STK3: variants seen among roughly 807,000 people sequenced by gnomAD.
STK3 encodes the protein serine/threonine-protein kinase 3.
A neutral mutation model predicts 58.0 loss-of-function variants in STK3; 41 were observed. That is an observed-to-expected ratio of 0.71 (90% CI 0.55 to 0.92). The LOEUF (loss-of-function observed/expected upper bound fraction) is 0.92, where lower values mean the gene tolerates loss of function less well. Ranked by LOEUF, STK3 falls within the 40% of genes least tolerant of loss-of-function variation. STK3 has a pLI of 0.00. For missense variants in STK3, 479 were observed against 602.7 expected, an observed-to-expected ratio of 0.79 and a Z score of 2.15; for synonymous variants, 170 against 191.0, an observed-to-expected ratio of 0.89 and a Z score of 0.91.
intron 6 of STK3, chr8:98,651,582 G>A (rs1040211981): frequency 2.6e-5 from 4 of 152,524 alleles, no homozygotes; most frequent in African/African-American, 9.7e-5. Flanking sequence ...CAAAGAAGTT[G>A]AAAACTTTCA....
chr8:98,849,086 C>T (rs909236532), intron 3 of STK3, among the ~76,000 whole-genome samples: 2 of 151,742 alleles, frequency 1.3e-5, no homozygotes, highest in African/African-American at 2.4e-5. Flanking sequence ...ATTAGCTGGG[C>T]GTGGTGGCTG....
chr8:98,861,145 G>GTAC (rs1836920844), intron 3 of STK3, among the ~76,000 whole-genome samples: 1 of 152,002 alleles, frequency 6.6e-6, no homozygotes, highest in Admixed American at 6.6e-5. Flanking sequence ...GGCAAAGAGG[G>GTAC]TACTGTCCAG....
chr8:98,882,882 C>T (rs1205179952), downstream of STK3: 1 of 152,194 alleles, frequency 6.6e-6, no homozygotes, highest in African/African-American at 2.4e-5. Context: ...ATGGCCATTT[C>T]TAATGCTGGT....
chr8:98,639,564 T>G (rs1387996353), intron 6 of STK3, among the ~76,000 whole-genome samples: 1 of 152,224 alleles, frequency 6.6e-6, no homozygotes, highest in Non-Finnish European at 1.5e-5. Flanking sequence ...CACACAAGTT[T>G]TCATAATGTT....
chr8:98,918,487 A>C (rs964928607), intron 1 of STK3, among the ~76,000 whole-genome samples: 2 of 152,200 alleles, frequency 1.3e-5, no homozygotes, highest in African/African-American at 4.8e-5. Context: ...GTAGAAAAGA[A>C]GATCGGGTGT....
intron 6 of STK3, among the ~76,000 whole-genome samples, chr8:98,609,169 G>A (rs1375414957): frequency 2.0e-5 from 3 of 151,158 alleles, no homozygotes; most frequent in Non-Finnish European, 3.0e-5. Context: ...AGAGGGCTCT[G>A]CCAATAACAA....
intron 1 of STK3, among the ~76,000 whole-genome samples, chr8:98,912,341 G>C (rs936413657): frequency 6.6e-6 from 1 of 151,924 alleles, no homozygotes; most frequent in African/African-American, 2.4e-5. Flanking sequence ...TCGCGCCACT[G>C]CACTCCAGCC....
chr8:98,409,616 A>G (rs1818033795), intron 3 of STK3, among the ~76,000 whole-genome samples: 1 of 152,238 alleles, frequency 6.6e-6, no homozygotes, highest in Admixed American at 6.5e-5. Flanking sequence ...CAGCTACCGC[A>G]CCTTGCAATG....
At chr8:98,647,965 T>C (rs1452692401) in intron 6 of STK3, among the ~76,000 whole-genome samples, 1 of 152,216 alleles carries the variant, frequency 6.6e-6, no homozygotes, top group Non-Finnish European at 1.5e-5. Flanking sequence ...TGCCTTTTAT[T>C]AATGCACTGT....
rs191599617 is a variant in STK3 at position 98,905,445 on chromosome 8, G to A, written c.-78-21611C>T. ...GTTACCCACGTGTAACTTGGTTGAC[G>A]CTTTGCTCTTATTCTTGCTGGCTTC... On this transcript the variant is annotated intron_variant, in intron 1 of 1. Coordinates refer to the STK3 transcript ENST00000519420. The A allele has an allele frequency of 3.5e-5, 46 of 1,298,800 alleles. No homozygotes were observed. In the Middle Eastern group the frequency reaches 1.3e-3, roughly 36 times the overall value. The allele number at this position is 1,298,800 out of a possible 1,614,324, so 80.5% of individuals were successfully genotyped here. A position where few individuals can be genotyped will look rare whatever the true frequency, so the allele number is the denominator to read the frequency against.
intron 7 of STK3, 133 bp from the exon 8 acceptor site, chr8:98,579,922 G>A: frequency 7.1e-6 from 6 of 841,328 alleles, no homozygotes; most frequent in Non-Finnish European, 1.0e-5. Flanking sequence ...AGAATTAAAT[G>A]TATAGGTTAA....
At chr8:98,533,070 T>C (rs1826289894) in intron 9 of STK3, among the ~76,000 whole-genome samples, 2 of 152,322 alleles carry the variant, frequency 1.3e-5, no homozygotes, top group Admixed American at 6.5e-5. Context: ...TTCAACTCTA[T>C]GTATATACTA....
Position 98,667,391 on chromosome 8 carries a change from A to G in STK3, c.684+39076T>C, listed in dbSNP as rs771732853. 9.2e-5 allele frequency among the ~76,000 whole-genome samples: 14 copies of G among 152,118 alleles called. 1 individual carries two copies. Among genetic ancestry groups the G allele is most frequent in the Non-Finnish European group, 1.5e-4 (10 of 67,978 alleles). The stretch of plus-strand genomic sequence containing the variant: ...TGAAAACAGGTGTCATCAAATTCAA[A>G]TTAAAGATTTACTTCTATTTTAAAC... On this transcript the variant is annotated intron_variant, in intron 6 of 10. Transcript: ENST00000419617.
intron 4 of STK3, among the ~76,000 whole-genome samples, chr8:98,748,999 C>T (rs906235281): frequency 6.6e-6 from 1 of 151,838 alleles, no homozygotes; most frequent in South Asian, 2.1e-4. Context: ...CACACACACA[C>T]GCTGATTCCA....
downstream of STK3, chr8:98,879,170 C>T (rs1196749684): frequency 6.6e-6 from 1 of 152,162 alleles, no homozygotes; most frequent in Admixed American, 6.5e-5. Context: ...TGCACATCCT[C>T]CTGTATACTT....
intron 2 of STK3, among the ~76,000 whole-genome samples, chr8:98,373,842 G>A (rs1410629745): frequency 2.0e-5 from 3 of 152,160 alleles, no homozygotes; most frequent in East Asian, 1.9e-4. Flanking sequence ...GTGGCTTGCC[G>A]AAGTCACACA....
intron 2 of STK3, among the ~76,000 whole-genome samples, chr8:98,377,580 GA>G (rs1312432646): frequency 6.6e-6 from 1 of 150,696 alleles, no homozygotes; most frequent in Non-Finnish European, 1.5e-5. Flanking sequence ...GAAAATATAA[GA>G]AAAAAAAACC....
At chr8:98,787,902 C>T (rs1832569190) in intron 1 of STK3, among the ~76,000 whole-genome samples, 1 of 152,136 alleles carries the variant, frequency 6.6e-6, no homozygotes, top group African/African-American at 2.4e-5. Context: ...TTGCCACTAC[C>T]AAGCCAGCAT....
chr8:98,814,429 A>G (rs1427363133), intron 1 of STK3, among the ~76,000 whole-genome samples: 6 of 149,902 alleles, frequency 4.0e-5, no homozygotes, highest in African/African-American at 1.2e-4. Context: ...CTGCAGCACA[A>G]CCTCCTAGGC....
Sources: gnomAD v4.1 joint callset for allele counts (sites outside exome capture counted in the v4.1 genomes callset) on GRCh38, gnomAD v4.1.1 for gene constraint, MANE v1.5 for transcripts, NCBI Gene and HGNC (gene_info 2026-07-23, HGNC 2026-07-21) for gene names.